The following TRDN variants were observed in gnomAD, a reference collection of about 807,000 sequenced individuals.
TRDN encodes the protein triadin, also known as triadin in skeletal muscle.
TRDN carries 161 observed loss-of-function variants against 149.7 expected under a neutral mutation model. That is an observed-to-expected ratio of 1.08 (90% CI 0.95 to 1.23). The LOEUF is 1.23. Ranked by LOEUF, TRDN falls within the 50% of genes most tolerant of loss-of-function variation. TRDN has a pLI of 0.00. For missense variants in TRDN, 896 were observed against 823.5 expected, an observed-to-expected ratio of 1.09 and a Z score of -1.08; for synonymous variants, 294 against 250.5, an observed-to-expected ratio of 1.17 and a Z score of -1.64.
chr6:123,538,292 T>C (rs571057135), intron 4 of TRDN, among the ~76,000 whole-genome samples: 259 of 152,274 alleles, frequency 1.7e-3, no homozygotes, highest in Non-Finnish European at 2.0e-3. Context: ...CAATTGTTAT[T>C]AGAGCACAAC....
At chr6:123,591,549 A>C (rs574362307) in intron 1 of TRDN, among the ~76,000 whole-genome samples, 83 of 152,274 alleles carry the variant, frequency 5.5e-4, no homozygotes, top group African/African-American at 1.9e-3. Context: ...TCCAGTCCCA[A>C]ATCTTTATTA....
chr6:123,633,765 GGATGAAGT>G (rs1201976562), intron 1 of TRDN, among the ~76,000 whole-genome samples: 1 of 151,938 alleles, frequency 6.6e-6, no homozygotes, highest in Non-Finnish European at 1.5e-5. Context: ...TTCTTCCACT[GGATGAAGT>G]AAGCCAGCTT....
chr6:123,290,487 A>C (rs1425592507), intron 24 of TRDN, among the ~76,000 whole-genome samples: 3 of 152,168 alleles, frequency 2.0e-5, no homozygotes, highest in Non-Finnish European at 4.4e-5. Flanking sequence ...TAAGTAAATC[A>C]CTGATGTTCA....
chr6:123,277,484 T>C (rs1406144464), intron 26 of TRDN, among the ~76,000 whole-genome samples: 1 of 152,092 alleles, frequency 6.6e-6, no homozygotes. Context: ...GCAGATGTAA[T>C]TAGTTAAGAT....
intron 38 of TRDN, among the ~76,000 whole-genome samples, chr6:123,226,809 T>C: frequency 6.6e-6 from 1 of 151,882 alleles, no homozygotes; most frequent in South Asian, 2.1e-4. Context: ...GGTAGAATCA[T>C]GGCAGTGAAA....
chr6:123,598,450 C>A (rs1290537469), intron 1 of TRDN, among the ~76,000 whole-genome samples: 1 of 151,990 alleles, frequency 6.6e-6, no homozygotes, highest in Non-Finnish European at 1.5e-5. Context: ...GTTTAAGAAA[C>A]CCTAGCTCCC....
At chr6:123,491,132 AGAAGGAAG>A (rs149446213) in intron 9 of TRDN, among the ~76,000 whole-genome samples, 15 of 146,350 alleles carry the variant, frequency 1.0e-4, no homozygotes, top group Admixed American at 2.7e-4. Context: ...AAGGAACGAA[AGAAGGAAG>A]GAAGGAAGGA....
chr6:123,237,597 T>C (rs548006040), intron 38 of TRDN, among the ~76,000 whole-genome samples: 11 of 152,338 alleles, frequency 7.2e-5, no homozygotes, highest in African/African-American at 2.4e-4. Flanking sequence ...TTTGTGTTTA[T>C]ACAGGTTTTA....
intron 2 of TRDN, among the ~76,000 whole-genome samples, chr6:123,557,155 A>T (rs1273485534): frequency 2.0e-5 from 3 of 148,062 alleles, no homozygotes; most frequent in Non-Finnish European, 4.4e-5. Flanking sequence ...CCCTTCACTG[A>T]CTCTCTTTTC....
chr6:123,368,554 T>C (rs1466795811), intron 19 of TRDN, among the ~76,000 whole-genome samples: 1 of 152,162 alleles, frequency 6.6e-6, no homozygotes, highest in African/African-American at 2.4e-5. Flanking sequence ...ATTTCCAGGA[T>C]ACTCTAATAT....
chr6:123,424,229 A>T (rs1296132950), intron 12 of TRDN, among the ~76,000 whole-genome samples: 1 of 152,134 alleles, frequency 6.6e-6, no homozygotes, highest in Admixed American at 6.6e-5. Context: ...ACTGAATAAA[A>T]AACTGTTTTC....
At chr6:123,481,930 C>A in intron 9 of TRDN, among the ~76,000 whole-genome samples, 1 of 152,156 alleles carries the variant, frequency 6.6e-6, no homozygotes, top group East Asian at 1.9e-4. Context: ...ATTTAGAGAT[C>A]TAATTCCTAG....
intron 38 of TRDN, among the ~76,000 whole-genome samples, chr6:123,246,192 G>A (rs1214716803): frequency 2.0e-5 from 3 of 152,010 alleles, no homozygotes; most frequent in South Asian, 4.1e-4. Flanking sequence ...AGAAACAAGA[G>A]CAAACAAATT....
intron 19 of TRDN, among the ~76,000 whole-genome samples, chr6:123,370,449 C>T (rs1249219868): frequency 6.6e-6 from 1 of 152,142 alleles, no homozygotes; most frequent in Non-Finnish European, 1.5e-5. Flanking sequence ...TGCTGTCTAG[C>T]ATTCCAATGT....
intron 35 of TRDN, 139 bp downstream of exon 35, chr6:123,259,485 T>C (rs1776682276): frequency 6.6e-6 from 4 of 608,716 alleles, no homozygotes; most frequent in Admixed American, 3.3e-5. Flanking sequence ...TAATGTACTA[T>C]AATTATGATA....
chr6:123,393,747 A>T (rs1201575758), intron 12 of TRDN, 70 bp from the exon 13 acceptor site: 1 of 1,402,478 alleles, frequency 7.1e-7, no homozygotes, highest in East Asian at 2.5e-5. Context: ...AAAAAGGGAC[A>T]GGGGAGCACA....
At chr6:123,632,744 T>C (rs1196537614) in intron 1 of TRDN, among the ~76,000 whole-genome samples, 1 of 152,024 alleles carries the variant, frequency 6.6e-6, no homozygotes, top group East Asian at 1.9e-4. Flanking sequence ...TTTGCTTTGA[T>C]GAGGTAAATG....
At chr6:123,332,043 T>C (rs1250336623) in intron 22 of TRDN, 114 bp from the exon 23 acceptor site, 2 of 705,618 alleles carry the variant, frequency 2.8e-6, no homozygotes, top group African/African-American at 3.6e-5. Context: ...GTGGAAACTT[T>C]ATAATGCACT....
intron 1 of TRDN, among the ~76,000 whole-genome samples, chr6:123,617,559 G>C (rs1163521799): frequency 6.6e-6 from 1 of 152,054 alleles, no homozygotes; most frequent in Non-Finnish European, 1.5e-5. Flanking sequence ...TCATTTCTTG[G>C]CTTGAAAGTC....
Sources: gnomAD v4.1 joint callset for allele counts (sites outside exome capture counted in the v4.1 genomes callset) on GRCh38, gnomAD v4.1.1 for gene constraint, MANE v1.5 for transcripts, NCBI Gene and HGNC (gene_info 2026-07-23, HGNC 2026-07-21) for gene names.